The following NPNT variants were observed in gnomAD, a reference collection of about 807,000 sequenced individuals.
NPNT encodes nephronectin.
NPNT carries 45 observed loss-of-function variants against 68.6 expected under a neutral mutation model. The ratio of observed to expected loss-of-function variants is 0.66; its 90% CI spans 0.52 to 0.84. The LOEUF (loss-of-function observed/expected upper bound fraction) is 0.84. Ranked by LOEUF, NPNT falls within the 40% of genes least tolerant of loss-of-function variation. The pLI, the probability that NPNT is intolerant of heterozygous loss-of-function variation, is 0.00. For missense variants in NPNT, 672 were observed against 714.8 expected, an observed-to-expected ratio of 0.94 and a Z score of 0.68; for synonymous variants, 233 against 253.3, an observed-to-expected ratio of 0.92 and a Z score of 0.76.
intron 8 of NPNT, among the ~76,000 whole-genome samples, chr4:105,946,865 A>G (rs1730429332): frequency 6.6e-6 from 1 of 152,196 alleles, no homozygotes; most frequent in African/African-American, 2.4e-5. Context: ...CTTAAACAAC[A>G]GAAAACAGGT....
At chr4:105,932,652 C>T in intron 3 of NPNT, 1 of 1,536,040 alleles carries the variant, frequency 6.5e-7, no homozygotes, top group Non-Finnish European at 8.7e-7. Flanking sequence ...AGGCAGTGAA[C>T]AGCCTCTTTT....
intron 8 of NPNT, among the ~76,000 whole-genome samples, chr4:105,943,905 G>T (rs890342880): frequency 6.6e-6 from 1 of 152,192 alleles, no homozygotes; most frequent in Non-Finnish European, 1.5e-5. Flanking sequence ...AGCCTAGGAG[G>T]TTGAGGCTGC....
intron 2 of NPNT, among the ~76,000 whole-genome samples, chr4:105,916,926 T>C (rs909520974): frequency 1.3e-5 from 2 of 152,168 alleles, no homozygotes; most frequent in Non-Finnish European, 2.9e-5. Flanking sequence ...TTAATAAACA[T>C]ATTGTGGTTT....
intron 8 of NPNT, among the ~76,000 whole-genome samples, chr4:105,951,915 T>C (rs924774611): frequency 6.6e-6 from 1 of 152,192 alleles, no homozygotes; most frequent in African/African-American, 2.4e-5. Flanking sequence ...ATTTGGGGCG[T>C]ATCATTAAAT....
At chr4:105,914,040 C>T (rs938341171) in intron 2 of NPNT, among the ~76,000 whole-genome samples, 3 of 152,106 alleles carry the variant, frequency 2.0e-5, no homozygotes, top group Admixed American at 1.3e-4. Context: ...CCCTTACTTT[C>T]AAGCAACTCA....
At chr4:105,910,399 C>A (rs1248901555) in intron 2 of NPNT, among the ~76,000 whole-genome samples, 4 of 151,936 alleles carry the variant, frequency 2.6e-5, no homozygotes, top group Non-Finnish European at 2.9e-5. Context: ...TTTATGATGG[C>A]CATAGAGCAA....
At chr4:105,917,103 A>G (rs1008135626) in intron 2 of NPNT, among the ~76,000 whole-genome samples, 2 of 152,184 alleles carry the variant, frequency 1.3e-5, no homozygotes, top group Non-Finnish European at 1.5e-5. Flanking sequence ...CTTACAGTCC[A>G]TTGGCTGTTC....
intron 8 of NPNT, among the ~76,000 whole-genome samples, chr4:105,949,866 C>G (rs1410410131): frequency 6.6e-6 from 1 of 152,078 alleles, no homozygotes; most frequent in Non-Finnish European, 1.5e-5. Flanking sequence ...GTGTAAAAGT[C>G]TGAAAGAAAA....
At chr4:105,958,882 A>G (rs1731455613) in intron 9 of NPNT, 146 bp from the exon 10 acceptor site, 2 of 611,700 alleles carry the variant, frequency 3.3e-6, no homozygotes, top group Admixed American at 2.9e-5. Context: ...AGATTAATGT[A>G]ATTTCCCTTT....
chr4:105,968,078 T>G (rs1201061174), intron 11 of NPNT, among the ~76,000 whole-genome samples: 2 of 152,180 alleles, frequency 1.3e-5, no homozygotes, highest in Admixed American at 1.3e-4. Flanking sequence ...CCAACAAAAT[T>G]ATGAATGCAT....
At chr4:105,930,981 G>A (rs1240784564) in intron 3 of NPNT, among the ~76,000 whole-genome samples, 60 of 152,030 alleles carry the variant, frequency 3.9e-4, no homozygotes, top group Non-Finnish European at 2.9e-5. Context: ...TACAGGCTTG[G>A]GCTGATCATT....
chr4:105,949,278 T>G (rs747780714), intron 8 of NPNT, among the ~76,000 whole-genome samples: 10 of 152,212 alleles, frequency 6.6e-5, no homozygotes, highest in Non-Finnish European at 7.3e-5. Context: ...CAAGTTGTTT[T>G]AACCATGGGA....
chr4:105,928,571 C>T (rs1031467050), intron 3 of NPNT, among the ~76,000 whole-genome samples: 4 of 146,792 alleles, frequency 2.7e-5, no homozygotes, highest in Non-Finnish European at 4.4e-5. Flanking sequence ...CAAGATTGCA[C>T]CATTGCACTC....
chr4:105,904,769 G>A lies in NPNT; in HGVS notation c.172+6768G>A, dbSNP rs978886428. 2.6e-5 allele frequency among the ~76,000 whole-genome samples: 4 copies of A among 151,860 alleles called. No individual in the cohort carries two copies. In the East Asian group the frequency reaches 5.8e-4, roughly 22 times the overall value. On this transcript the variant is annotated intron_variant, in intron 2 of 11. Coordinates refer to ENST00000379987, the MANE Select transcript of NPNT (RefSeq NM_001033047.3). The stretch of plus-strand genomic sequence containing the variant: ...AGGATCTCGGCTCACTGCAACCTCC[G>A]CCTCCTGGGTTCAAGCAATTCTGCC...
At chr4:105,944,886 G>A (rs1458214433) in intron 8 of NPNT, among the ~76,000 whole-genome samples, 1 of 152,196 alleles carries the variant, frequency 6.6e-6, no homozygotes, top group Non-Finnish European at 1.5e-5. Flanking sequence ...TTTAATTCAG[G>A]ACAAATAACC....
Position 105,895,566 on chromosome 4 carries a change from C to G in NPNT, c.-87C>G. On this transcript the variant is annotated 5_prime_UTR_variant, in exon 1 of 12. Coordinates refer to ENST00000379987, the MANE Select transcript of NPNT (RefSeq NM_001033047.3). ...CGAGGGCTGGGGGTTCCTCGAGACT[C>G]TCAGAGGGGCGCCTCCCATCGGCGC... is the stretch of plus-strand genomic sequence containing the variant. 2 of 1,131,308 alleles carry G rather than the reference C, an allele frequency of 1.8e-6. No homozygotes were observed. The highest frequency in any genetic ancestry group is 5.3e-5 in the East Asian group (2 of 37,900). 70.1% of individuals were successfully genotyped at this position (1,131,308 alleles called of 1,614,324 possible). A position where few individuals can be genotyped will look rare whatever the true frequency, so the allele number is the denominator to read the frequency against.
rs763096383 is a variant in NPNT, at chr4:105,940,511, C to T, written c.641-3C>T. The T allele has an allele frequency of 1.4e-5, 23 of 1,610,420 alleles. No homozygotes were observed. The highest frequency in any genetic ancestry group is 1.9e-5 in the Non-Finnish European group (22 of 1,177,824). ...TCTCTTCTTTTCCTACTTTCTGATG[C>T]AGACATAGACGAATGCTCACTTGGT... is the stretch of plus-strand genomic sequence containing the variant. On this transcript the variant is annotated splice_polypyrimidine_tract_variant and splice_region_variant and intron_variant, in intron 6 of 11. Coordinates refer to ENST00000379987, the MANE Select transcript of NPNT (RefSeq NM_001033047.3).
intron 3 of NPNT, among the ~76,000 whole-genome samples, chr4:105,933,416 A>G (rs1443070091): frequency 1.3e-5 from 2 of 152,232 alleles, no homozygotes; most frequent in Non-Finnish European, 2.9e-5. Context: ...TTAAGAACTT[A>G]GAATAACTGA....
chr4:105,956,947 C>A (rs1245053389), intron 8 of NPNT, among the ~76,000 whole-genome samples: 2 of 152,142 alleles, frequency 1.3e-5, no homozygotes, highest in African/African-American at 4.8e-5. Context: ...AAGCTAAAAA[C>A]AACTTGTGCA....
Sources: gnomAD v4.1 joint callset for allele counts (sites outside exome capture counted in the v4.1 genomes callset) on GRCh38, gnomAD v4.1.1 for gene constraint, MANE v1.5 for transcripts, NCBI Gene and HGNC (gene_info 2026-07-23, HGNC 2026-07-21) for gene names.